PTPN13: variants seen among roughly 807,000 people sequenced by gnomAD.
PTPN13 encodes the protein protein tyrosine phosphatase non-receptor type 13, also known as tyrosine-protein phosphatase non-receptor type 13.
In PTPN13, 191 loss-of-function variants were observed where a neutral mutation model predicts 284.0. The ratio of observed to expected loss-of-function variants is 0.67; its 90% CI spans 0.60 to 0.76. The LOEUF (loss-of-function observed/expected upper bound fraction) is 0.76, where lower values mean the gene tolerates loss of function less well. PTPN13 is among the 30% of genes least tolerant of loss of function. The pLI is 0.00. For synonymous variants in PTPN13, 986 were observed against 1,022.3 expected, an observed-to-expected ratio of 0.96 and a Z score of 0.68; for missense variants, 2,797 against 2,939.9, an observed-to-expected ratio of 0.95 and a Z score of 1.12.
intron 1 of PTPN13, among the ~76,000 whole-genome samples, chr4:86,599,771 C>T (rs1399742557): frequency 6.6e-6 from 1 of 151,768 alleles, no homozygotes; most frequent in African/African-American, 2.4e-5. Context: ...TATACATTTC[C>T]TCTTTCCTCA....
At chr4:86,622,860 A>T (rs1284714386) in intron 1 of PTPN13, among the ~76,000 whole-genome samples, 3 of 152,148 alleles carry the variant, frequency 2.0e-5, no homozygotes, top group Non-Finnish European at 2.9e-5. Context: ...TAGCATCTTC[A>T]CTTGAATGTC....
At chr4:86,674,775 T>C (rs1041155529) in intron 3 of PTPN13, among the ~76,000 whole-genome samples, 3 of 152,364 alleles carry the variant, frequency 2.0e-5, no homozygotes, top group East Asian at 1.9e-4. Context: ...GTCATTGTTA[T>C]GTATCATGAA....
At chr4:86,646,696 C>T (rs1724467234) in intron 2 of PTPN13, among the ~76,000 whole-genome samples, 1 of 152,158 alleles carries the variant, frequency 6.6e-6, no homozygotes, top group Non-Finnish European at 1.5e-5. Flanking sequence ...ATATACCTGC[C>T]ATATACACTC....
At chr4:86,743,485 A>T (rs906293165) in intron 16 of PTPN13, among the ~76,000 whole-genome samples, 2 of 152,130 alleles carry the variant, frequency 1.3e-5, no homozygotes, top group Non-Finnish European at 2.9e-5. Context: ...GGGAAAAAAA[A>T]AATGTTCTCC....
intron 40 of PTPN13, among the ~76,000 whole-genome samples, chr4:86,794,837 C>G (rs951724670): frequency 1.3e-5 from 2 of 152,152 alleles, no homozygotes; most frequent in Non-Finnish European, 2.9e-5. Context: ...GGAAAACTGG[C>G]TGGCCATATG....
intron 20 of PTPN13, 71 bp downstream of exon 20, chr4:86,753,136 AACAATGAAGAGT>A: frequency 8.4e-7 from 1 of 1,195,710 alleles, no homozygotes; most frequent in Non-Finnish European, 1.2e-6. Flanking sequence ...TCTTGGACCT[AACAATGAAGAGT>A]CTTGAGTTCC....
Position 86,721,431 on chromosome 4 carries a change from T to A in PTPN13, c.1386-781T>A, listed in dbSNP as rs573117428. 2.0e-4 allele frequency among the ~76,000 whole-genome samples: 31 copies of A among 152,162 alleles called. No homozygotes were observed. In the South Asian group the frequency reaches 5.6e-3, roughly 27 times the overall value. ...AAAGTCCCTTGAGGGAAATGAGAAG[T>A]AGCCAATAAACCATGAAAAAGCAAG... On this transcript the variant is annotated intron_variant, in intron 9 of 47. Transcript: ENST00000411767.
chr4:86,668,762 AT>A (rs776320959), intron 2 of PTPN13, among the ~76,000 whole-genome samples: 21,681 of 112,280 alleles, frequency 0.19, 2,054 homozygotes, highest in East Asian at 0.24. Flanking sequence ...CGCCCAGCTA[AT>A]TTTTTTTTTT....
In PTPN13 at chr4:86,814,661, T is replaced by A; in HGVS notation, c.*110T>A. On this transcript the variant is annotated 3_prime_UTR_variant, in exon 48 of 48. Coordinates refer to ENST00000411767, the MANE Select transcript of PTPN13 (RefSeq NM_080683.3). ...GAGCAGCAAGTTCATACAACATGCA[T>A]GTTCTCCTCTATCTTAGAGGGGTAT... 1 of 779,862 alleles carries A rather than the reference T, an allele frequency of 1.3e-6. No homozygotes were observed. The highest frequency in any genetic ancestry group is 2.1e-6 in the Non-Finnish European group (1 of 472,682). 48.3% of individuals were successfully genotyped at this position (779,862 alleles called of 1,614,324 possible).
chr4:86,770,107 A>G lies in PTPN13; in HGVS notation c.4711A>G (p.Ile1571Val), dbSNP rs1739810550. Residue 1571 changes from isoleucine (I) to valine (V), a missense_variant, in exon 30 of 48, where the codon ATA (isoleucine) becomes GTA (valine). Coordinates refer to ENST00000411767, the MANE Select transcript of PTPN13 (RefSeq NM_080683.3). Reference protein sequence around the residue: ...SLKGLSQQEVISALRGTAPEV... With the variant: ...SLKGLSQQEVVSALRGTAPEV... ...TCATTCATGGTACCCCCAGGAAGTC[A>G]TATCTGCTCTCAGGGGAACTGCTCC... 2 of 1,613,534 alleles carry G rather than the reference A, an allele frequency of 1.2e-6. No individual in the cohort carries two copies. Among genetic ancestry groups the G allele is most frequent in the East Asian group, 2.2e-5 (1 of 44,888 alleles).
chr4:86,598,290 G>C (rs747050140), intron 1 of PTPN13, among the ~76,000 whole-genome samples: 1 of 151,854 alleles, frequency 6.6e-6, no homozygotes, highest in Non-Finnish European at 1.5e-5. Context: ...GATTACAGGC[G>C]TGTGCTACCA....
chr4:86,774,972 A>G (rs1264563643), intron 33 of PTPN13, among the ~76,000 whole-genome samples, 199 bp from the exon 34 acceptor site: 1 of 152,116 alleles, frequency 6.6e-6, no homozygotes, highest in Admixed American at 6.5e-5. Context: ...TAACATTATT[A>G]TTTCATTGTA....
At position 86,769,991 on chromosome 4, in the gene PTPN13, C is replaced by T. The variant is rs1350629436; in HGVS notation, c.4704+8C>T. 1.2e-6 allele frequency: 2 copies of T among 1,613,500 alleles called. No individual in the cohort carries two copies. Among genetic ancestry groups the T allele is most frequent in the Admixed American group, 1.7e-5 (1 of 59,964 alleles). ...AAAGGACTATCTCAGCAGGTGAGCCCCTAGCATGTGGAGTATAGCATTTTT... is the reference window on the plus strand; with the variant it reads ...AAAGGACTATCTCAGCAGGTGAGCCTCTAGCATGTGGAGTATAGCATTTTT... On this transcript the variant is annotated splice_region_variant and intron_variant, in intron 29 of 47. Transcript: ENST00000411767.
rs79807311 is a variant in PTPN13, at chr4:86,718,223, A to C, written c.1385+1106A>C. On this transcript the variant is annotated intron_variant, in intron 9 of 47. Transcript: ENST00000411767. ...CTTCTAAAATGTGGGAATCCTTTCTAATTCTGTATTTCAGTTTGTTTAATT... is the reference window on the plus strand; with the variant it reads ...CTTCTAAAATGTGGGAATCCTTTCTCATTCTGTATTTCAGTTTGTTTAATT... Among the ~76,000 whole-genome samples, 4 of 152,278 alleles carry C rather than the reference A, an allele frequency of 2.6e-5. No individual in the cohort carries two copies. In the East Asian group the frequency reaches 7.7e-4, roughly 29 times the overall value.
chr4:86,763,310 T>C, intron 24 of PTPN13, 120 bp downstream of exon 24: 2 of 867,998 alleles, frequency 2.3e-6, no homozygotes, highest in Admixed American at 2.7e-5. Flanking sequence ...AGAAATAGTT[T>C]ATATCTTCTA....
At chr4:86,791,639 G>C (rs1169421733) in intron 40 of PTPN13, among the ~76,000 whole-genome samples, 1 of 152,180 alleles carries the variant, frequency 6.6e-6, no homozygotes, top group African/African-American at 2.4e-5. Context: ...TGCCCCTCTG[G>C]GATGAAGCTT....
At position 86,701,354 on chromosome 4, in the gene PTPN13, C is replaced by A. The variant is rs1431246620; in HGVS notation, c.748C>A (p.Gln250Lys). 1.5e-5 allele frequency: 24 copies of A among 1,612,438 alleles called. No individual in the cohort carries two copies. The highest frequency in any genetic ancestry group is 2.0e-5 in the Non-Finnish European group (24 of 1,178,876). The change falls in exon 7 of 48, where the codon CAA becomes AAA. Residue 250 changes from glutamine (Q) to lysine (K), a missense_variant. Coordinates refer to ENST00000411767, the MANE Select transcript of PTPN13 (RefSeq NM_080683.3). ...GGGATTTCTGTCCATCAAAGATACA[C>A]AAGATGAGAATTATTTCAAGGACAT... ...SMGFLSIKDT[Q>K]DENYFKDILS...
At position 86,763,125 on chromosome 4, in the gene PTPN13, C is replaced by A. The variant is rs756985714; in HGVS notation, c.3952C>A (p.Arg1318Ser). The A allele has an allele frequency of 2.5e-6, 4 of 1,613,598 alleles. No individual in the cohort carries two copies. In the African/African-American group the frequency reaches 5.3e-5, roughly 22 times the overall value. ...TTCTGATGTAACTGATTACTCAGAC[C>A]GTGGAGATTCAGACATGGATGAAGC... Reference protein sequence around the residue: ...GISDVTDYSDRGDSDMDEATY... With the variant: ...GISDVTDYSDSGDSDMDEATY... Residue 1318 changes from arginine to serine, a missense_variant, in exon 24 of 48, where the codon CGT becomes AGT. Coordinates refer to ENST00000411767, the MANE Select transcript of PTPN13 (RefSeq NM_080683.3).
intron 1 of PTPN13, among the ~76,000 whole-genome samples, chr4:86,616,148 G>A (rs893458568): frequency 6.6e-6 from 1 of 152,022 alleles, no homozygotes; most frequent in Non-Finnish European, 1.5e-5. Context: ...AGACATTTAG[G>A]GATACACCAG....
Sources: allele counts gnomAD v4.1 joint callset (sites outside exome capture counted in the v4.1 genomes callset), GRCh38; gene constraint gnomAD v4.1.1; transcripts MANE v1.5; gene names NCBI Gene and HGNC (gene_info 2026-07-23, HGNC 2026-07-21).